GFM1: variants seen among roughly 807,000 people sequenced by gnomAD.
GFM1 encodes elongation factor G, mitochondrial.
A neutral mutation model predicts 96.2 loss-of-function variants in GFM1; 62 were observed. That is an observed-to-expected ratio of 0.64 (90% confidence interval 0.53 to 0.80). The LOEUF is 0.80. Ranked by LOEUF, GFM1 falls within the 30% of genes least tolerant of loss-of-function variation. GFM1 has a pLI of 0.00. For synonymous variants in GFM1, 282 were observed against 312.9 expected, an observed-to-expected ratio of 0.90 and a Z score of 1.04; for missense variants, 852 against 916.6, an observed-to-expected ratio of 0.93 and a Z score of 0.91.
At chr3:158,655,954 A>G (rs750607117) in intron 8 of GFM1, 6 of 456,326 alleles carry the variant, frequency 1.3e-5, no homozygotes, top group South Asian at 6.2e-5. Context: ...CACGAGATTG[A>G]TATTTTTGAG....
chr3:158,687,302 T>A (rs1004294765), intron 15 of GFM1, among the ~76,000 whole-genome samples: 1 of 151,378 alleles, frequency 6.6e-6, no homozygotes, highest in Non-Finnish European at 1.5e-5. Context: ...TGAGCCACCA[T>A]GGCTGGTTGA....
chr3:158,669,399 TCAAA>T, intron 13 of GFM1: 1 of 1,570,454 alleles, frequency 6.4e-7, no homozygotes, highest in Non-Finnish European at 8.7e-7. Context: ...TAAGTTTGAA[TCAAA>T]CAAATGGTTT....
chr3:158,667,908 G>T (rs554162086), intron 13 of GFM1, among the ~76,000 whole-genome samples: 35 of 152,300 alleles, frequency 2.3e-4, no homozygotes, highest in African/African-American at 7.7e-4. Context: ...GGAAAAAACA[G>T]ATAGTTTCAG....
At chr3:158,659,144 A>G (rs1183992036) in intron 9 of GFM1, 85 bp downstream of exon 9, 2 of 1,440,996 alleles carry the variant, frequency 1.4e-6, no homozygotes, top group African/African-American at 2.8e-5. Flanking sequence ...CCCACTAGAA[A>G]ATTAATTCTG....
At chr3:158,669,652 A>G (rs766448706) in intron 13 of GFM1, 11 of 1,534,074 alleles carry the variant, frequency 7.2e-6, no homozygotes, top group Non-Finnish European at 4.5e-6. Flanking sequence ...ACAGAAGGCT[A>G]TTCATTATTA....
At chr3:158,683,614 CAGTAGGGGCTCAAG>C (rs1482983074) in intron 14 of GFM1, among the ~76,000 whole-genome samples, 1 of 152,184 alleles carries the variant, frequency 6.6e-6, no homozygotes, top group African/African-American at 2.4e-5. Flanking sequence ...TAGAGGTATG[CAGTAGGGGCTCAAG>C]ACACAGCTAG....
intron 8 of GFM1, among the ~76,000 whole-genome samples, chr3:158,654,933 A>G (rs1327236111): frequency 6.6e-6 from 1 of 152,156 alleles, no homozygotes; most frequent in African/African-American, 2.4e-5. Flanking sequence ...TGTTTCTATA[A>G]ATAGTTTAAG....
Position 158,644,605 on chromosome 3 carries a change from C to G in GFM1, c.-30C>G, listed in dbSNP as rs567474426. 1.3e-6 allele frequency: 2 copies of G among 1,550,838 alleles called. No individual in the cohort carries two copies. The highest frequency in any genetic ancestry group is 1.7e-6 in the Non-Finnish European group (2 of 1,146,060). The stretch of plus-strand genomic sequence containing the variant: ...CGGCAGCTGAACCCACCCGGCGCCA[C>G]GGGACTTTGACGCGTGCTCTGCGCT... On this transcript the variant is annotated 5_prime_UTR_variant, in exon 1 of 18. Transcript: ENST00000486715.
chr3:158,660,827 T>TA (rs1339384962), intron 9 of GFM1, 47 bp from the exon 10 acceptor site: 2 of 1,508,226 alleles, frequency 1.3e-6, no homozygotes, highest in East Asian at 2.3e-5. Context: ...ACCACATCTT[T>TA]ATTTGTATTA....
At chr3:158,687,173 TTTATTA>T (rs1560145709) in intron 15 of GFM1, among the ~76,000 whole-genome samples, 1 of 151,864 alleles carries the variant, frequency 6.6e-6, no homozygotes, top group Non-Finnish European at 1.5e-5. Context: ...TGGCTAATTT[TTTATTA>T]TTATTATTTT....
intron 15 of GFM1, among the ~76,000 whole-genome samples, chr3:158,689,463 C>A (rs1276731027): frequency 6.6e-6 from 1 of 152,132 alleles, no homozygotes; most frequent in Non-Finnish European, 1.5e-5. Context: ...TTGATTCTTG[C>A]TTCTGAGTAT....
intron 8 of GFM1, chr3:158,655,861 C>T (rs767953424): frequency 4.4e-6 from 2 of 457,392 alleles, no homozygotes; most frequent in South Asian, 3.1e-5. Flanking sequence ...GAAGGCCCAT[C>T]CAGAGGACCA....
At chr3:158,663,450 C>T (rs908839176) in intron 11 of GFM1, among the ~76,000 whole-genome samples, 14 of 152,168 alleles carry the variant, frequency 9.2e-5, no homozygotes, top group Non-Finnish European at 1.5e-4. Flanking sequence ...TGAATTGTCA[C>T]GTGTGATAAT....
intron 13 of GFM1, among the ~76,000 whole-genome samples, chr3:158,680,006 C>T (rs1287684385): frequency 6.6e-6 from 1 of 152,092 alleles, no homozygotes; most frequent in Non-Finnish European, 1.5e-5. Flanking sequence ...AGTAGAAATG[C>T]CCATTGCTTG....
rs774908322 is a variant in GFM1, at chr3:158,666,311, A to T, written c.1526A>T (p.Glu509Val). ...LHLEIYAQRL[E>V]REYGCPCITG... ...TTTCCCCACTCTTTTTAGAGGCTGGAAAGAGAGTATGGCTGTCCTTGTATC... is the reference window on the plus strand; with the variant it reads ...TTTCCCCACTCTTTTTAGAGGCTGGTAAGAGAGTATGGCTGTCCTTGTATC... The change falls in exon 13 of 18, where the codon GAA (glutamate) becomes GTA (valine). Residue 509 changes from glutamate (E) to valine (V), a missense_variant. Glu to Val is a moderately radical substitution (Grantham distance 121). Coordinates refer to ENST00000486715, the MANE Select transcript of GFM1 (RefSeq NM_024996.7). 5 of 1,612,046 alleles carry T rather than the reference A, an allele frequency of 3.1e-6. No homozygotes were observed. The highest frequency in any genetic ancestry group is 2.5e-6 in the Non-Finnish European group (3 of 1,178,984).
chr3:158,652,825 G>C (rs1238406576), intron 6 of GFM1, among the ~76,000 whole-genome samples: 1 of 152,176 alleles, frequency 6.6e-6, no homozygotes, highest in Non-Finnish European at 1.5e-5. Context: ...GGTATACAAA[G>C]GTAAACAGTA....
Position 158,645,784 on chromosome 3 carries a change from A to G in GFM1, c.234+3A>G, listed in dbSNP as rs769225403. 18 of 1,607,956 alleles carry G rather than the reference A, an allele frequency of 1.1e-5. No homozygotes were observed. Among genetic ancestry groups the G allele is most frequent in the Non-Finnish European group, 1.4e-5 (17 of 1,174,524 alleles). On this transcript the variant is annotated splice_donor_region_variant and intron_variant, in intron 2 of 17. Coordinates refer to ENST00000486715, the MANE Select transcript of GFM1 (RefSeq NM_024996.7). ...GCAGAATTGCAAAGATGCATGAGGT[A>G]TATATTCACGGTTGATTCCGGATTA...
intron 13 of GFM1, among the ~76,000 whole-genome samples, chr3:158,675,564 A>G (rs868156818): frequency 6.6e-6 from 1 of 152,086 alleles, no homozygotes; most frequent in Non-Finnish European, 1.5e-5. Flanking sequence ...TAAATTTTAT[A>G]TATTGATCAA....
intron 13 of GFM1, 194 bp downstream of exon 13, chr3:158,666,580 A>C: frequency 2.8e-6 from 4 of 1,410,590 alleles, no homozygotes; most frequent in Middle Eastern, 1.8e-4. Context: ...CTCATAAGCT[A>C]GATGCCAGTG....
Sources: allele counts gnomAD v4.1 joint callset (sites outside exome capture counted in the v4.1 genomes callset), GRCh38; gene constraint gnomAD v4.1.1; transcripts MANE v1.5; gene names NCBI Gene and HGNC (gene_info 2026-07-23, HGNC 2026-07-21).